Variants in SALL4 observed in about 807,000 individuals in gnomAD.
The protein encoded by SALL4 is sal-like protein 4.
SALL4 carries 4 observed loss-of-function variants against 60.8 expected under a neutral mutation model. The ratio of observed to expected loss-of-function variants is 0.07; its 90% CI spans 0.03 to 0.15. SALL4 has a LOEUF of 0.15. Ranked by LOEUF, SALL4 falls within the 10% of genes least tolerant of loss-of-function variation. SALL4 has a pLI of 1.00. For synonymous variants in SALL4, 580 were observed against 574.9 expected, an observed-to-expected ratio of 1.01 and a Z score of -0.13; for missense variants, 1,178 against 1,394.7, an observed-to-expected ratio of 0.84 and a Z score of 2.48.
At position 51,793,042 on chromosome 20, in the gene SALL4, C is replaced by G. The variant is rs943930510; in HGVS notation, c.131-690G>C. 6 of 951,476 alleles carry G rather than the reference C, an allele frequency of 6.3e-6. No homozygotes were observed. In the African/African-American group the frequency reaches 8.9e-5, roughly 14 times the overall value. 58.9% of individuals were successfully genotyped at this position (951,476 alleles called of 1,614,324 possible). On this transcript the variant is annotated intron_variant, in intron 1 of 3. Coordinates refer to ENST00000217086, the MANE Select transcript of SALL4 (RefSeq NM_020436.5). ...AATGATCTAGGTTTTCTTGTTTTTT[C>G]AGAAATGTTCACAGCAGCAAAGAAG...
rs141101879 is a variant in SALL4 at position 51,784,409 on chromosome 20, G to A, written c.3018C>T (p.Ser1006=). ...PTLPVSLGAT[S]VVNNATVSKM... ...TGGAGACAGTGGCGTTATTCACAAC[G>A]GAGGTGGCCCCCAAGGAAACCGGGA... Residue 1006 remains serine, a synonymous_variant, in exon 4 of 4, where the codon TCC becomes TCT. Coordinates refer to ENST00000217086, the MANE Select transcript of SALL4 (RefSeq NM_020436.5). The A allele has an allele frequency of 9.9e-6, 16 of 1,614,052 alleles. No homozygotes were observed. The highest frequency in any genetic ancestry group is 1.3e-5 in the Non-Finnish European group (15 of 1,180,050).
rs370661697 is a variant in SALL4 at position 51,784,396 on chromosome 20, C to T, written c.3031G>A (p.Ala1011Thr). The change falls in exon 4 of 4, where the codon GCC (alanine) becomes ACC (threonine). Residue 1011 changes from alanine to threonine, a missense_variant. By Grantham distance (58) the Ala-to-Thr change is moderately conservative. Around this residue, in one of 5 missense-constraint regions of SALL4, gnomAD observed 174 missense variants for 169.6 expected, o/e 1.03. Transcript: ENST00000217086. The part of the protein sequence containing the change: ...SLGATSVVNN[A>T]TVSKMDGSQS... ...GAGCCATCCATCTTGGAGACAGTGG[C>T]GTTATTCACAACGGAGGTGGCCCCC... 54 of 1,614,034 alleles carry T rather than the reference C, an allele frequency of 3.3e-5. No homozygotes were observed. The highest frequency in any genetic ancestry group is 1.6e-4 in the Middle Eastern group (1 of 6,084).
rs988118605 is a variant in SALL4 at position 51,801,076 on chromosome 20, G to T, written c.130+1203C>A. 2.0e-5 allele frequency among the ~76,000 whole-genome samples: 3 copies of T among 152,112 alleles called. No individual in the cohort carries two copies. The highest frequency in any genetic ancestry group is 7.2e-5 in the African/African-American group (3 of 41,432). ...CTGCAGGGAAATTAGAAAGCAGGCG[G>T]GGAGCGGAGCGACGAACAAGGCCGG... On this transcript the variant is annotated intron_variant, in intron 1 of 3. Coordinates refer to ENST00000217086, the MANE Select transcript of SALL4 (RefSeq NM_020436.5). The surrounding 1 kb of genome is among the most constrained non-coding windows in gnomAD (Gnocchi z 5.2).
At position 51,802,338 on chromosome 20, in the gene SALL4, T is replaced by G. The variant is rs1159407478; in HGVS notation, c.71A>C (p.Gln24Pro). ...ATCTGCAAACTCCGGGGTCTGCTGC[T>G]GCGGCTGCTGCTCGCCCTGGTCCTC... ...SEEDQGEQQPQQQTPEFADAA... is the reference protein window; with the variant it reads ...SEEDQGEQQPPQQTPEFADAA... The change falls in exon 1 of 4, where the codon CAG (glutamine) becomes CCG (proline). Residue 24 changes from glutamine to proline, a missense_variant. Physicochemically the swap from Gln to Pro is moderately conservative, Grantham distance 76 (BLOSUM62 -1). This residue lies in a region of SALL4 where 108 missense variants were observed against 95.7 expected (regional missense o/e 1.13). Transcript: ENST00000217086. The G allele has an allele frequency of 6.2e-7, 1 of 1,610,128 alleles. No individual in the cohort carries two copies. The highest frequency in any genetic ancestry group is 1.1e-5 in the South Asian group (1 of 90,998).
intron 3 of SALL4, among the ~76,000 whole-genome samples, chr20:51,787,581 C>G (rs928553977): frequency 1.3e-5 from 2 of 152,134 alleles, no homozygotes; most frequent in African/African-American, 2.4e-5. Flanking sequence ...GAAGAAGGGA[C>G]CTTACTAGCA....
chr20:51,789,097 A>T lies in SALL4; in HGVS notation c.2506T>A (p.Tyr836Asn), dbSNP rs774895241. The change falls in exon 3 of 4, where the codon TAT becomes AAT. Residue 836 changes from tyrosine to asparagine, a missense_variant. Transcript: ENST00000217086. The stretch of plus-strand genomic sequence containing the variant: ...GTGCCAGGAACTTCAACCTTGACAT[A>T]GGTCGGCGGGGCTCGGATAAACGTG... The part of the protein sequence containing the change: ...PSTFIRAPPT[Y>N]VKVEVPGTFV... The T allele has an allele frequency of 1.9e-6, 3 of 1,614,228 alleles. No individual in the cohort carries two copies. The highest frequency in any genetic ancestry group is 3.3e-5 in the Admixed American group (2 of 60,026).
rs2078112934 is a variant in SALL4, at chr20:51,801,953, CCA to C, written c.130+324_130+325del. On this transcript the variant is annotated intron_variant, in intron 1 of 3. Transcript: ENST00000217086. The surrounding 1 kb of genome is among the most constrained non-coding windows in gnomAD (Gnocchi z 5.2). ...GGTAACACCAGTGAGGGGAGTGGAA[CCA>C]ATTAAGTGAGGGGCAGAGGACAAGG... 2.0e-5 allele frequency among the ~76,000 whole-genome samples: 3 copies of C among 150,512 alleles called. No homozygotes were observed. The East Asian group carries it at 5.9e-4, about 30-fold the overall frequency.
chr20:51,797,616 G>C (rs563229089), intron 1 of SALL4: 5 of 152,032 alleles, frequency 3.3e-5, no homozygotes, highest in Admixed American at 3.3e-4. Flanking sequence ...ATGAACAATT[G>C]CTGGGCATGC....
intron 1 of SALL4, among the ~76,000 whole-genome samples, chr20:51,798,636 A>C (rs574129952): frequency 1.3e-3 from 195 of 152,288 alleles, no homozygotes; most frequent in Admixed American, 2.7e-3. Flanking sequence ...AGTACAACCC[A>C]GAGAAGCCGA....
At chr20:51,802,075 GGAGAA>G (rs892695714) in intron 1 of SALL4, among the ~76,000 whole-genome samples, 199 bp downstream of exon 1, 6 of 151,948 alleles carry the variant, frequency 3.9e-5, no homozygotes, top group African/African-American at 1.5e-4. Flanking sequence ...ACACAAGAGG[GGAGAA>G]GAGGAAAAAA....
At position 51,791,637 on chromosome 20, in the gene SALL4, T is replaced by C. The variant is rs770135907; in HGVS notation, c.846A>G (p.Gln282=). 9 of 1,613,900 alleles carry C rather than the reference T, an allele frequency of 5.6e-6. No homozygotes were observed. The East Asian group carries it at 1.8e-4, about 32-fold the overall frequency. Residue 282 remains glutamine (Q), a synonymous_variant, in exon 2 of 4, where the codon CAA becomes CAG. Coordinates refer to ENST00000217086, the MANE Select transcript of SALL4 (RefSeq NM_020436.5). The surrounding 1 kb of genome is among the most constrained non-coding windows in gnomAD (Gnocchi z 4.6). ...GTTTCAAGGCATCCAGAGACAGACC[T>C]TGGCTTCCAGCTTTCTGGCTGAGCA... ...VALLSQKAGS[Q]GLSLDALKQA... is the part of the protein sequence containing the mutation.
At position 51,789,052 on chromosome 20, in the gene SALL4, A is replaced by T. The variant is rs754776440; in HGVS notation, c.2551T>A (p.Leu851Met). ...AACAAAGGGGTCATCCCTGGGGACA[A>T]TGTCGAGGGTCCCACAAATGTGCCA... is the stretch of plus-strand genomic sequence containing the variant. ...VPGTFVGPST[L>M]SPGMTPLLAA... Residue 851 changes from leucine to methionine, a missense_variant, in exon 3 of 4, where the codon TTG (leucine) becomes ATG (methionine). Leu to Met is a conservative substitution (Grantham distance 15, BLOSUM62 2). Around this residue, in one of 5 missense-constraint regions of SALL4, gnomAD observed 853 missense variants for 1,036.8 expected, o/e 0.82. Transcript: ENST00000217086. The T allele has an allele frequency of 6.2e-7, 1 of 1,614,204 alleles. No individual in the cohort carries two copies. Among genetic ancestry groups the T allele is most frequent in the Admixed American group, 1.7e-5 (1 of 60,014 alleles).
rs1043462284 is a variant in SALL4, at chr20:51,784,578, G to T, written c.2849C>A (p.Ser950Ter). ...CAGGATTTCCTTGGGAAAGATTTCT[G>T]AGACTCTTTTTCCGTCCGTACCTAA... Reference protein sequence around the residue: ...ALLGTDGKRVSEIFPKEILAP... With the variant: ...ALLGTDGKRV Residue 950 changes from serine to a stop codon, truncating the protein, a stop_gained, in exon 4 of 4, where the codon TCA becomes TAA. Transcript: ENST00000217086. LOFTEE classifies it low-confidence loss of function (END_TRUNC). 5 of 1,614,174 alleles carry T rather than the reference G, an allele frequency of 3.1e-6. No homozygotes were observed. The East Asian group carries it at 6.7e-5, about 22-fold the overall frequency.
In SALL4 at chr20:51,798,006, C is replaced by A. The variant is rs139419895; in HGVS notation, c.130+4273G>T. ...TGAGTAGATTATCTAAAGCACACAA[C>A]ATCTTCTACCCTCCCCCAACCCCAG... On this transcript the variant is annotated intron_variant, in intron 1 of 3. Transcript: ENST00000217086. Among the ~76,000 whole-genome samples the A allele has an allele frequency of 3.2e-4, 48 of 152,218 alleles. No homozygotes were observed. The East Asian group carries it at 7.9e-3, about 25-fold the overall frequency.
chr20:51,789,694 T>C (rs541360667), intron 2 of SALL4, among the ~76,000 whole-genome samples: 13 of 152,100 alleles, frequency 8.5e-5, no homozygotes, highest in African/African-American at 2.9e-4. Context: ...AGAATCATAG[T>C]GTGGAGAAAC....
rs1393266638 is a variant in SALL4, at chr20:51,801,747, A to C, written c.130+532T>G. Among the ~76,000 whole-genome samples, 2 of 151,690 alleles carry C rather than the reference A, an allele frequency of 1.3e-5. No individual in the cohort carries two copies. Among genetic ancestry groups the C allele is most frequent in the Non-Finnish European group, 2.9e-5 (2 of 67,844 alleles). ...GGGAGAGGTCGCGCCCCCTCCCCCC[A>C]CTTGGCCCGGGAGGGGCGCGTGCAA... is the stretch of plus-strand genomic sequence containing the variant. On this transcript the variant is annotated intron_variant, in intron 1 of 3. Coordinates refer to ENST00000217086, the MANE Select transcript of SALL4 (RefSeq NM_020436.5). This position sits in a 1 kb window ranked among gnomAD's most constrained non-coding sequence, Gnocchi z 5.2.
chr20:51,788,323 TTG>T lies in SALL4; in HGVS notation c.2742+536_2742+537del, dbSNP rs3030173. The stretch of plus-strand genomic sequence containing the variant: ...GCATGCAACACCATGCCCAACTAAT[TTG>T]TGTGTGTGTGTGTGTGTGTGTGTGT... On this transcript the variant is annotated intron_variant, in intron 3 of 3. Transcript: ENST00000217086. This position sits in a 1 kb window ranked among gnomAD's most constrained non-coding sequence, Gnocchi z 4.1. Among the ~76,000 whole-genome samples, 25,433 of 141,512 alleles carry T rather than the reference TTG, an allele frequency of 0.18. 2,367 individuals are homozygous for T. The highest frequency in any genetic ancestry group is 0.22 in the African/African-American group (8,395 of 37,800). The allele number at this position is 141,512 out of a possible 152,430, so 92.8% of individuals were successfully genotyped here.
intron 1 of SALL4, among the ~76,000 whole-genome samples, chr20:51,799,803 G>C: frequency 6.6e-6 from 1 of 152,142 alleles, no homozygotes; most frequent in Non-Finnish European, 1.5e-5. Flanking sequence ...TGTAGTGTTA[G>C]CCCTGCGACC....
At position 51,788,030 on chromosome 20, in the gene SALL4, C is replaced by T. The variant is rs920363350; in HGVS notation, c.2742+831G>A. On this transcript the variant is annotated intron_variant, in intron 3 of 3. Coordinates refer to ENST00000217086, the MANE Select transcript of SALL4 (RefSeq NM_020436.5). This position sits in a 1 kb window ranked among gnomAD's most constrained non-coding sequence, Gnocchi z 4.1. ...GTAGTGACAGGGTCTCCTTATGTTA[C>T]CCAGGCTGGTCTCAAACTCCTGGGC... is the stretch of plus-strand genomic sequence containing the variant. 6.6e-5 allele frequency among the ~76,000 whole-genome samples: 10 copies of T among 152,202 alleles called. No homozygotes were observed. The highest frequency in any genetic ancestry group is 4.2e-4 in the South Asian group (2 of 4,816).
Sources: allele counts gnomAD v4.1 joint callset (sites outside exome capture counted in the v4.1 genomes callset), GRCh38; gene constraint gnomAD v4.1.1; regional missense constraint gnomAD v4.1.1; non-coding constraint Gnocchi (gnomAD v3.1); transcripts MANE v1.5; gene names NCBI Gene and HGNC (gene_info 2026-07-23, HGNC 2026-07-21).